The following TPTE2 variants were observed in gnomAD, a reference collection of about 807,000 sequenced individuals.
TPTE2 encodes transmembrane phosphoinositide 3-phosphatase and tensin homolog 2.
Under a neutral mutation model 78.6 loss-of-function variants are expected in TPTE2, and 53 were observed. That is an observed-to-expected ratio of 0.67 (90% CI 0.54 to 0.85). TPTE2 has a LOEUF of 0.85. TPTE2 is among the 40% of genes least tolerant of loss of function. The pLI is 0.00. For synonymous variants in TPTE2, 175 were observed against 206.2 expected (o/e 0.85, Z 1.30); for missense variants, 461 against 623.0 (o/e 0.74, Z 2.77).
At chr13:19,460,739 T>C (rs538960374) in intron 10 of TPTE2, among the ~76,000 whole-genome samples, 20 of 152,330 alleles carry the variant, frequency 1.3e-4, no homozygotes, top group Non-Finnish European at 7.3e-5. Context: ...CGGCAACTGA[T>C]GCCAGCCCTT....
upstream of TPTE2, among the ~76,000 whole-genome samples, chr13:19,537,618 T>C (rs2451096): frequency 7.9e-5 from 12 of 151,344 alleles, no homozygotes; most frequent in African/African-American, 2.9e-4. Flanking sequence ...TTGTTTTTTT[T>C]TTGAGCCAGA....
At chr13:19,496,018 G>T (rs141989538) in intron 1 of TPTE2, among the ~76,000 whole-genome samples, 3 of 151,992 alleles carry the variant, frequency 2.0e-5, no homozygotes, top group African/African-American at 4.8e-5. Flanking sequence ...ACAGGTGCCC[G>T]CCACCACACC....
chr13:19,474,174 G>A, intron 5 of TPTE2, 99 bp from the exon 9 acceptor site: 1 of 1,168,354 alleles, frequency 8.6e-7, no homozygotes, highest in Non-Finnish European at 1.1e-6. Context: ...TTAAGCCACT[G>A]ATCAGGTACC....
At chr13:19,497,032 G>T (rs1335079629) in intron 1 of TPTE2, among the ~76,000 whole-genome samples, 1 of 152,164 alleles carries the variant, frequency 6.6e-6, no homozygotes, top group Non-Finnish European at 1.5e-5. Flanking sequence ...CAAAGAAAGG[G>T]GTGACAGACG....
At chr13:19,499,295 A>G (rs1334661993) in intron 1 of TPTE2, among the ~76,000 whole-genome samples, 10 of 152,032 alleles carry the variant, frequency 6.6e-5, no homozygotes, top group African/African-American at 1.9e-4. Flanking sequence ...TGCACCAAGC[A>G]GACCTAATAG....
chr13:19,486,774 G>A lies in TPTE2; in HGVS notation c.120-4227C>T, dbSNP rs1475819010. Among the ~76,000 whole-genome samples the A allele has an allele frequency of 6.6e-6, 1 of 152,176 alleles. No homozygotes were observed. Among genetic ancestry groups the A allele is most frequent in the African/African-American group, 2.4e-5 (1 of 41,436 alleles). ...GGGTGTTTCTCAGGCCTGGGATACAGTCAAATGACTTCTCAGCTGTCCTGG... is the reference window on the plus strand; with the variant it reads ...GGGTGTTTCTCAGGCCTGGGATACAATCAAATGACTTCTCAGCTGTCCTGG... On this transcript the variant is annotated intron_variant, in intron 3 of 19. Transcript: ENST00000400230. This position sits in a 1 kb window ranked among gnomAD's most constrained non-coding sequence, Gnocchi z 4.3.
chr13:19,487,129 G>C (rs899576626), intron 3 of TPTE2, among the ~76,000 whole-genome samples: 1 of 152,102 alleles, frequency 6.6e-6, no homozygotes, highest in Non-Finnish European at 1.5e-5. Context: ...TCTGTGGGGG[G>C]TGGCCTAAAG....
chr13:19,534,928 C>CA (rs1171763067), intron 1 of TPTE2, among the ~76,000 whole-genome samples: 4 of 152,234 alleles, frequency 2.6e-5, no homozygotes, highest in Admixed American at 2.6e-4. Flanking sequence ...TCTTGCTGGG[C>CA]ACGGTGGCTC....
chr13:19,430,566 AT>A lies in TPTE2; in HGVS notation c.1223-20del. ...ACATCACCTGTTCCAACAAAATGAA[AT>A]TAAAAAGTTAGGTTGGTTAGCATGA... On this transcript the variant is annotated intron_variant, in intron 16 of 19. Coordinates refer to ENST00000400230, the Ensembl canonical transcript of TPTE2. 6.3e-7 allele frequency: 1 copy of A among 1,588,338 alleles called. No homozygotes were observed. The highest frequency in any genetic ancestry group is 8.6e-7 in the Non-Finnish European group (1 of 1,163,552).
intron 5 of TPTE2, among the ~76,000 whole-genome samples, chr13:19,474,387 A>C (rs188330143): frequency 6.6e-6 from 1 of 152,234 alleles, no homozygotes; most frequent in Non-Finnish European, 1.5e-5. Context: ...AAACTGAATT[A>C]AAATCACCTG....
chr13:19,423,279 C>T (rs1318917174), intron 19 of TPTE2, 115 bp from the exon 23 acceptor site: 13 of 677,330 alleles, frequency 1.9e-5, no homozygotes, highest in Middle Eastern at 4.3e-4. Flanking sequence ...ATGAATAGAA[C>T]CCCAGACCCT....
upstream of TPTE2, chr13:19,536,797 GGTTT>G (rs1017001312): frequency 2.6e-5 from 4 of 151,732 alleles, no homozygotes; most frequent in South Asian, 2.1e-4. Context: ...ATCTGCAAGA[GGTTT>G]TTTTGGGGGG....
At chr13:19,437,972 C>CTAG in intron 14 of TPTE2, 120 bp downstream of exon 17, 3 of 1,405,306 alleles carry the variant, frequency 2.1e-6, no homozygotes. Context: ...AACTGCTTCT[C>CTAG]TAATTACAAT....
chr13:19,508,113 G>C (rs930778771), upstream of TPTE2, among the ~76,000 whole-genome samples: 45 of 152,080 alleles, frequency 3.0e-4, no homozygotes, highest in Non-Finnish European at 6.0e-4. Flanking sequence ...CTAGATTTCA[G>C]TGAGACTGAC....
intron 3 of TPTE2, among the ~76,000 whole-genome samples, chr13:19,488,364 T>C (rs1161473346): frequency 1.3e-5 from 2 of 152,234 alleles, no homozygotes; most frequent in Admixed American, 6.5e-5. Flanking sequence ...TTTGAAAGCA[T>C]GCGTTGACTT....
intron 19 of TPTE2, among the ~76,000 whole-genome samples, chr13:19,423,725 G>T (rs561565071): frequency 6.6e-6 from 1 of 152,260 alleles, no homozygotes; most frequent in East Asian, 1.9e-4. Context: ...GCTTTACCAA[G>T]TAGTATGTAA....
intron 3 of TPTE2, among the ~76,000 whole-genome samples, chr13:19,492,644 T>G (rs530891919): frequency 6.6e-6 from 1 of 152,332 alleles, no homozygotes; most frequent in Admixed American, 6.5e-5. Context: ...TGTATGGCCA[T>G]GAAGGCTCCT....
At chr13:19,503,633 C>G (rs1868776936), upstream of TPTE2, among the ~76,000 whole-genome samples, 1 of 152,194 alleles carries the variant, frequency 6.6e-6, no homozygotes, top group African/African-American at 2.4e-5. Flanking sequence ...CTTGAAAGCC[C>G]TCCATTACTT....
chr13:19,462,554 A>G (rs12855415), intron 10 of TPTE2, among the ~76,000 whole-genome samples: 2 of 129,718 alleles, frequency 1.5e-5, no homozygotes, highest in Non-Finnish European at 1.7e-5. Flanking sequence ...TTTTTTTTTA[A>G]TTTTTTTGGA....
Sources: gnomAD v4.1 joint callset for allele counts (sites outside exome capture counted in the v4.1 genomes callset) on GRCh38, gnomAD v4.1.1 for gene constraint, Gnocchi (gnomAD v3.1) non-coding constraint, MANE v1.5 for transcripts, NCBI Gene and HGNC (gene_info 2026-07-23, HGNC 2026-07-21) for gene names.